Variants in NUMB observed in about 807,000 individuals in gnomAD.
NUMB encodes NUMB endocytic adaptor protein.
Under a neutral mutation model 59.7 loss-of-function variants are expected in NUMB, and 29 were observed. That is an observed-to-expected ratio of 0.49 (90% CI 0.36 to 0.66). The LOEUF (loss-of-function observed/expected upper bound fraction) is 0.66, where lower values mean the gene tolerates loss of function less well. Among genes scored for constraint, NUMB ranks in the 30% least tolerant of loss-of-function variants. The probability of loss-of-function intolerance (pLI) is 0.00; values close to 1 mark genes in which losing one functional copy is unlikely to be tolerated. For missense variants in NUMB, 723 were observed against 822.0 expected (o/e 0.88, Z 1.47); for synonymous variants, 288 against 288.2 (o/e 1.00, Z 0.01).
intron 1 of NUMB, among the ~76,000 whole-genome samples, chr14:73,423,789 G>A (rs1028922749): frequency 3.3e-5 from 5 of 151,454 alleles, no homozygotes; most frequent in African/African-American, 4.8e-5. Flanking sequence ...CAGCCTGGGC[G>A]TCAGAGCAAG....
chr14:73,309,762 T>C (rs936189983), intron 6 of NUMB, among the ~76,000 whole-genome samples: 2 of 144,950 alleles, frequency 1.4e-5, no homozygotes, highest in Non-Finnish European at 3.0e-5. Flanking sequence ...ATAATAAAAA[T>C]AGGATCCAGA....
At chr14:73,335,302 C>CAAAAAAAAAAAA (rs10556271) in intron 4 of NUMB, among the ~76,000 whole-genome samples, 5 of 100,240 alleles carry the variant, frequency 5.0e-5, no homozygotes, top group Admixed American at 1.1e-4. Flanking sequence ...GCCAAAAAGA[C>CAAAAAAAAAAAA]AAAAAAAAAA....
chr14:73,280,556 A>G (rs559133453), intron 11 of NUMB, among the ~76,000 whole-genome samples: 5 of 151,928 alleles, frequency 3.3e-5, no homozygotes, highest in East Asian at 1.9e-4. Flanking sequence ...CCAGATACCT[A>G]TATTAGTTTC....
chr14:73,318,810 A>G (rs74596492), intron 5 of NUMB, among the ~76,000 whole-genome samples: 2,435 of 152,246 alleles, frequency 0.016, 64 homozygotes, highest in African/African-American at 0.056. Context: ...TGCTCTGAGG[A>G]GCATATTTTT....
chr14:73,349,642 G>A (rs1444464018), intron 4 of NUMB, among the ~76,000 whole-genome samples: 1 of 151,866 alleles, frequency 6.6e-6, no homozygotes, highest in East Asian at 1.9e-4. Flanking sequence ...CACTTTGGGA[G>A]GCCGAGACGG....
intron 1 of NUMB, among the ~76,000 whole-genome samples, chr14:73,451,166 A>AAC (rs1221760567): frequency 4.2e-5 from 6 of 142,796 alleles, no homozygotes; most frequent in Non-Finnish European, 6.2e-5. Context: ...AAAAAAAAAA[A>AAC]AAAAAAAACA....
At chr14:73,385,128 C>T (rs1349461469) in intron 2 of NUMB, among the ~76,000 whole-genome samples, 1 of 151,682 alleles carries the variant, frequency 6.6e-6, no homozygotes, top group Non-Finnish European at 1.5e-5. Context: ...CCAGCGAGCA[C>T]TTGAAATGTG....
At chr14:73,440,785 G>A (rs944774783) in intron 1 of NUMB, among the ~76,000 whole-genome samples, 3 of 130,288 alleles carry the variant, frequency 2.3e-5, no homozygotes, top group South Asian at 2.6e-4. Flanking sequence ...CTGAGATCGC[G>A]CCACTGCACT....
intron 2 of NUMB, among the ~76,000 whole-genome samples, chr14:73,396,153 G>C (rs1398709275): frequency 6.6e-6 from 1 of 152,050 alleles, no homozygotes; most frequent in Non-Finnish European, 1.5e-5. Context: ...CACGACCATA[G>C]CTCACTGTAA....
At chr14:73,302,780 T>TAAACCA (rs1284518317) in intron 6 of NUMB, among the ~76,000 whole-genome samples, 3 of 152,140 alleles carry the variant, frequency 2.0e-5, no homozygotes. Flanking sequence ...TTCTGAGCAC[T>TAAACCA]TTTAAGAAAA....
Position 73,275,346 on chromosome 14 carries a change from C to T in NUMB, c.*1232G>A, listed in dbSNP as rs550249453. On this transcript the variant is annotated 3_prime_UTR_variant, in exon 13 of 13. Coordinates refer to ENST00000555238, the MANE Select transcript of NUMB (RefSeq NM_001005743.2). ...TGAGATGAGCTCTCTTATTGTTATCCGAGGTCAAGAGGCTGCAACTGTCAA... is the reference window on the plus strand; with the variant it reads ...TGAGATGAGCTCTCTTATTGTTATCTGAGGTCAAGAGGCTGCAACTGTCAA... 5.3e-5 allele frequency: 8 copies of T among 152,278 alleles called. No homozygotes were observed. The South Asian group carries it at 8.4e-4, about 16-fold the overall frequency. The allele number at this position is 152,278 out of a possible 1,614,324, so 9.4% of individuals were successfully genotyped here.
At chr14:73,352,411 T>C (rs1893346394) in intron 4 of NUMB, among the ~76,000 whole-genome samples, 1 of 137,256 alleles carries the variant, frequency 7.3e-6, no homozygotes, top group African/African-American at 2.8e-5. Context: ...AGTATTTACC[T>C]TGGGTTGTAA....
intron 4 of NUMB, among the ~76,000 whole-genome samples, chr14:73,349,312 G>C (rs1471369686): frequency 6.6e-6 from 1 of 152,144 alleles, no homozygotes; most frequent in Non-Finnish European, 1.5e-5. Flanking sequence ...ATTAGGCCGG[G>C]CACAGTGGCT....
At chr14:73,411,160 T>C (rs1189834078) in intron 1 of NUMB, among the ~76,000 whole-genome samples, 1 of 144,118 alleles carries the variant, frequency 6.9e-6, no homozygotes, top group African/African-American at 2.6e-5. Context: ...ACCTCCTGAG[T>C]AGCTGGGACT....
intron 3 of NUMB, among the ~76,000 whole-genome samples, chr14:73,358,588 T>A (rs1329039716): frequency 6.7e-6 from 1 of 148,206 alleles, no homozygotes; most frequent in Admixed American, 7.0e-5. Flanking sequence ...GTTAACCTCT[T>A]CAGGAAAGCT....
intron 4 of NUMB, among the ~76,000 whole-genome samples, chr14:73,333,652 T>C (rs1892118652): frequency 6.6e-6 from 1 of 152,208 alleles, no homozygotes; most frequent in Non-Finnish European, 1.5e-5. Flanking sequence ...ACATATAATT[T>C]CCAAACATTT....
chr14:73,354,827 C>CAAAAAAAA (rs10668811), intron 4 of NUMB, among the ~76,000 whole-genome samples: 5 of 82,314 alleles, frequency 6.1e-5, no homozygotes, highest in South Asian at 4.2e-4. Context: ...GACTGTGCCT[C>CAAAAAAAA]AAAAAAAAAA....
chr14:73,447,866 C>T (rs1158597255), intron 1 of NUMB, among the ~76,000 whole-genome samples: 1 of 150,534 alleles, frequency 6.6e-6, no homozygotes, highest in East Asian at 1.9e-4. Context: ...CACTACAATG[C>T]CCCCTACCCT....
intron 12 of NUMB, among the ~76,000 whole-genome samples, chr14:73,279,060 TCTGTTCCACAGTC>T (rs527436072): frequency 1.3e-4 from 20 of 152,308 alleles, no homozygotes; most frequent in Middle Eastern, 3.4e-3. Flanking sequence ...TGGGTGGGGC[TCTGTTCCACAGTC>T]CTGTTCCACA....
Sources: allele counts gnomAD v4.1 joint callset (sites outside exome capture counted in the v4.1 genomes callset), GRCh38; gene constraint gnomAD v4.1.1; transcripts MANE v1.5; gene names NCBI Gene and HGNC (gene_info 2026-07-23, HGNC 2026-07-21).